Variants in CSRNP1 observed in about 807,000 individuals in gnomAD.
CSRNP1 encodes cysteine and serine rich nuclear protein 1, also known as cysteine/serine-rich nuclear protein 1.
A neutral mutation model predicts 25.0 loss-of-function variants in CSRNP1; 8 were observed. The ratio of observed to expected loss-of-function variants is 0.32; its 90% CI spans 0.19 to 0.58. The LOEUF is 0.58. Among genes scored for constraint, CSRNP1 ranks in the 20% least tolerant of loss-of-function variants. The pLI is 0.88. For synonymous variants in CSRNP1, 305 were observed against 303.1 expected (o/e 1.01, Z -0.06); for missense variants, 691 against 773.1 (o/e 0.89, Z 1.26).
At chr3:39,147,869 CA>C (rs2039538279) in intron 1 of CSRNP1, among the ~76,000 whole-genome samples, 1 of 152,132 alleles carries the variant, frequency 6.6e-6, no homozygotes, top group African/African-American at 2.4e-5. Context: ...GGGAGGTCAC[CA>C]GGGGGAAAGG....
In CSRNP1 at chr3:39,144,119, C is replaced by G; in HGVS notation, c.780+18G>C. The G allele has an allele frequency of 6.2e-7, 1 of 1,609,656 alleles. No individual in the cohort carries two copies. The highest frequency in any genetic ancestry group is 8.5e-7 in the Non-Finnish European group (1 of 1,177,402). On this transcript the variant is annotated intron_variant, in intron 4 of 4. Coordinates refer to ENST00000273153, the MANE Select transcript of CSRNP1 (RefSeq NM_033027.4). ...AGTCCCCACGCTCAGGATCCCCATC[C>G]CAGTCCAGCCACCACACCTGGCACT...
At position 39,143,202 on chromosome 3, in the gene CSRNP1, G is replaced by C. The variant is rs1272836112; in HGVS notation, c.1623C>G (p.Gly541=). 6.2e-7 allele frequency: 1 copy of C among 1,614,228 alleles called. No individual in the cohort carries two copies. The highest frequency in any genetic ancestry group is 1.7e-5 in the Admixed American group (1 of 60,030). ...TGCTGGCATCCCCAGGTGGAGACAG[G>C]CCAGGCAGGGGGAAGTGAGGTGCCT... ...NIEAPHFPLP[G]LSPPGDASSC... Residue 541 remains glycine, a synonymous_variant, in exon 5 of 5, where the codon GGC becomes GGG. Coordinates refer to ENST00000273153, the MANE Select transcript of CSRNP1 (RefSeq NM_033027.4).
At chr3:39,146,795 C>T in intron 1 of CSRNP1, 73 bp from the exon 2 acceptor site, 2 of 1,490,408 alleles carry the variant, frequency 1.3e-6, no homozygotes, top group Non-Finnish European at 1.8e-6. Context: ...GGATCATCAT[C>T]CCTCCCACTT....
In CSRNP1 at chr3:39,153,422, G is replaced by GC. The variant is rs1191960286; in HGVS notation, c.-41+15dup. The GC allele has an allele frequency of 6.6e-6, 2 of 303,178 alleles. No individual in the cohort carries two copies. The highest frequency in any genetic ancestry group is 1.4e-5 in the Non-Finnish European group (2 of 145,370). The allele number at this position is 303,178 out of a possible 1,614,324, so 18.8% of individuals were successfully genotyped here. A position where few individuals can be genotyped will look rare whatever the true frequency, so the allele number is the denominator to read the frequency against. On this transcript the variant is annotated intron_variant, in intron 1 of 4. Coordinates refer to ENST00000273153, the MANE Select transcript of CSRNP1 (RefSeq NM_033027.4). ...AAAGTCCCGTCCTGCCGGGCCCGAG[G>GC]CCCCTCGGCGCTCACCTGCAATCCG...
At chr3:39,144,532 C>G in intron 3 of CSRNP1, 81 bp from the exon 4 acceptor site, 1 of 1,366,150 alleles carries the variant, frequency 7.3e-7, no homozygotes, top group Non-Finnish European at 9.8e-7. Flanking sequence ...CAAACCCTCC[C>G]CAAGTGCTTA....
chr3:39,143,526 G>A lies in CSRNP1; in HGVS notation c.1299C>T (p.Asp433=), dbSNP rs2039449420. The change falls in exon 5 of 5, where the codon GAC becomes GAT. Residue 433 remains aspartate (D), a synonymous_variant. Coordinates refer to ENST00000273153, the MANE Select transcript of CSRNP1 (RefSeq NM_033027.4). Reference sequence around the variant, plus strand: ...GGGTCCAGCTGGCCAGGCCACCAGGGTCACTAGTACCAAAGATGTCAGCTG... The same window carrying A: ...GGGTCCAGCTGGCCAGGCCACCAGGATCACTAGTACCAAAGATGTCAGCTG... The part of the protein sequence containing the change: ...FHPADIFGTS[D]PGGLASWTHS... 1 of 1,614,224 alleles carries A rather than the reference G, an allele frequency of 6.2e-7. No individual in the cohort carries two copies. The highest frequency in any genetic ancestry group is 1.1e-5 in the South Asian group (1 of 91,084).
At chr3:39,145,805 G>T (rs2039500760) in intron 2 of CSRNP1, among the ~76,000 whole-genome samples, 2 of 152,198 alleles carry the variant, frequency 1.3e-5, no homozygotes, top group South Asian at 4.1e-4. Flanking sequence ...TATACTGTTA[G>T]ATTCCATGTG....
Position 39,145,058 on chromosome 3 carries a change from G to A in CSRNP1, c.404C>T (p.Ala135Val). ...LAEFAQEQAR[A>V]RHEKLRQRLK... ...GCGCTGGCGGAGCTTCTCGTGCCGT[G>A]CACGGGCTTGCTCCTGCGCAAACTC... The change falls in exon 3 of 5, where the codon GCA becomes GTA. Residue 135 changes from alanine (A) to valine (V), a missense_variant. Coordinates refer to ENST00000273153, the MANE Select transcript of CSRNP1 (RefSeq NM_033027.4). The A allele has an allele frequency of 6.2e-7, 1 of 1,614,236 alleles. No individual in the cohort carries two copies. The highest frequency in any genetic ancestry group is 8.5e-7 in the Non-Finnish European group (1 of 1,180,030).
intron 2 of CSRNP1, among the ~76,000 whole-genome samples, 171 bp from the exon 3 acceptor site, chr3:39,145,427 C>T (rs1176695203): frequency 2.6e-5 from 4 of 152,184 alleles, no homozygotes; most frequent in South Asian, 2.1e-4. Context: ...GGGACTGGAG[C>T]GGCTGAAACT....
In CSRNP1 at chr3:39,143,378, C is replaced by G. The variant is rs752439836; in HGVS notation, c.1447G>C (p.Val483Leu). The change falls in exon 5 of 5, where the codon GTG (valine) becomes CTG (leucine). Residue 483 changes from valine (V) to leucine (L), a missense_variant. Coordinates refer to ENST00000273153, the MANE Select transcript of CSRNP1 (RefSeq NM_033027.4). ...SREGSLPGTS[V>L]PPSMDAGRSS... ...CGGCCAGCGTCCATGCTGGGTGGCA[C>G]TGAGGTGCCAGGAAGGCTGCCTTCC... 6.2e-7 allele frequency: 1 copy of G among 1,614,170 alleles called. No homozygotes were observed. The highest frequency in any genetic ancestry group is 1.1e-5 in the South Asian group (1 of 91,080).
At position 39,143,127 on chromosome 3, in the gene CSRNP1, G is replaced by A. The variant is rs1481057801; in HGVS notation, c.1698C>T (p.Ala566=). The change falls in exon 5 of 5, where the codon GCC becomes GCT. Residue 566 remains alanine, a synonymous_variant. Transcript: ENST00000273153. The part of the protein sequence containing the change: ...LMGFSEPAAE[A]LDPFIDSQFE... ...ACTGGCTGTCAATAAAGGGATCTAG[G>A]GCTTCGGCGGCTGGCTCGGAGAAGC... The A allele has an allele frequency of 6.2e-7, 1 of 1,613,888 alleles. No individual in the cohort carries two copies. The highest frequency in any genetic ancestry group is 1.7e-5 in the Admixed American group (1 of 60,010).
Position 39,153,435 on chromosome 3 carries a change from C to A in CSRNP1, c.-41+3G>T. On this transcript the variant is annotated splice_donor_region_variant and intron_variant, in intron 1 of 4. Coordinates refer to ENST00000273153, the MANE Select transcript of CSRNP1 (RefSeq NM_033027.4). The stretch of plus-strand genomic sequence containing the variant: ...GCCGGGCCCGAGGCCCCTCGGCGCT[C>A]ACCTGCAATCCGGACGCTCGCGGAG... 2 of 326,252 alleles carry A rather than the reference C, an allele frequency of 6.1e-6. No homozygotes were observed. Among genetic ancestry groups the A allele is most frequent in the Non-Finnish European group, 1.3e-5 (2 of 156,966 alleles). The allele number at this position is 326,252 out of a possible 1,614,324, so 20.2% of individuals were successfully genotyped here.
At chr3:39,145,578 G>T (rs2039497847) in intron 2 of CSRNP1, among the ~76,000 whole-genome samples, 1 of 152,138 alleles carries the variant, frequency 6.6e-6, no homozygotes, top group Admixed American at 6.5e-5. Context: ...TTATTGATTT[G>T]TAGGATTTCT....
chr3:39,151,039 G>C (rs953148617), intron 1 of CSRNP1: 6 of 152,372 alleles, frequency 3.9e-5, no homozygotes, highest in Non-Finnish European at 7.3e-5. Flanking sequence ...GAGGCCAAGA[G>C]GGAATGAAAC....
At chr3:39,146,855 T>A in intron 1 of CSRNP1, 133 bp from the exon 2 acceptor site, 2 of 1,264,018 alleles carry the variant, frequency 1.6e-6, no homozygotes, top group Non-Finnish European at 2.1e-6. Flanking sequence ...GCCCTGCCTG[T>A]GGAGCTCTGT....
Position 39,145,563 on chromosome 3 carries a change from GT to G in CSRNP1, c.206-308del, listed in dbSNP as rs1234216462. On this transcript the variant is annotated intron_variant, in intron 2 of 4. Transcript: ENST00000273153. ...CAGGTCCTTTGTACAGTTTTCTATT[GT>G]TTTTTATTGATTTGTAGGATTTCTG... Among the ~76,000 whole-genome samples the G allele has an allele frequency of 5.3e-5, 8 of 152,190 alleles. No individual in the cohort carries two copies. The East Asian group carries it at 1.4e-3, about 26-fold the overall frequency.
rs2039494158 is a variant in CSRNP1, at chr3:39,145,354, T to C, written c.206-98A>G. The stretch of plus-strand genomic sequence containing the variant: ...CAGACTGCCCTCCCGCCTCCCACCT[T>C]TTCCCTCCTCCCTCTCCACCCATTT... On this transcript the variant is annotated intron_variant, in intron 2 of 4. Coordinates refer to ENST00000273153, the MANE Select transcript of CSRNP1 (RefSeq NM_033027.4). 1.2e-5 allele frequency: 17 copies of C among 1,369,620 alleles called. No homozygotes were observed. The East Asian group carries it at 4.2e-4, about 34-fold the overall frequency. 84.8% of individuals were successfully genotyped at this position (1,369,620 alleles called of 1,614,324 possible). A position where few individuals can be genotyped will look rare whatever the true frequency, so the allele number is the denominator to read the frequency against.
chr3:39,142,950 G>A lies in CSRNP1; in HGVS notation c.*105C>T. Reference sequence around the variant, plus strand: ...CCAGGAGTGTGCACATGGCACCTGTGGGTGAGCCAGCCAGTGGGAGACTGT... The same window carrying A: ...CCAGGAGTGTGCACATGGCACCTGTAGGTGAGCCAGCCAGTGGGAGACTGT... On this transcript the variant is annotated 3_prime_UTR_variant, in exon 5 of 5. Transcript: ENST00000273153. The A allele has an allele frequency of 1.5e-6, 2 of 1,307,720 alleles. No homozygotes were observed. The highest frequency in any genetic ancestry group is 2.1e-6 in the Non-Finnish European group (2 of 949,048). The allele number at this position is 1,307,720 out of a possible 1,614,324, so 81.0% of individuals were successfully genotyped here.
chr3:39,145,414 G>A (rs1475784293), intron 2 of CSRNP1, among the ~76,000 whole-genome samples, 158 bp from the exon 3 acceptor site: 1 of 152,224 alleles, frequency 6.6e-6, no homozygotes, highest in Non-Finnish European at 1.5e-5. Flanking sequence ...AGCCTGTGTG[G>A]TTGGGACTGG....
Sources: gnomAD v4.1 joint callset for allele counts (sites outside exome capture counted in the v4.1 genomes callset) on GRCh38, gnomAD v4.1.1 for gene constraint, MANE v1.5 for transcripts, NCBI Gene and HGNC (gene_info 2026-07-23, HGNC 2026-07-21) for gene names.